Variants in DUT observed in about 807,000 individuals in gnomAD.
DUT encodes the protein deoxyuridine triphosphatase, also known as deoxyuridine 5'-triphosphate nucleotidohydrolase, mitochondrial.
In DUT, 21 loss-of-function variants were observed where a neutral mutation model predicts 28.8. The ratio of observed to expected loss-of-function variants is 0.73; its 90% confidence interval spans 0.52 to 1.05. The LOEUF (loss-of-function observed/expected upper bound fraction) is 1.05. Ranked by LOEUF, DUT falls within the 50% of genes least tolerant of loss-of-function variation. The pLI, the probability that DUT is intolerant of heterozygous loss-of-function variation, is 0.00. For synonymous variants in DUT, 147 were observed against 143.7 expected, an observed-to-expected ratio of 1.02 and a Z score of -0.17; for missense variants, 344 against 351.8, an observed-to-expected ratio of 0.98 and a Z score of 0.18.
At chr15:48,341,010 G>C (rs2042528532) in intron 4 of DUT, 1 of 280,658 alleles carries the variant, frequency 3.6e-6, no homozygotes, top group East Asian at 6.7e-5. Context: ...CAGTAGGTTG[G>C]AGATGGCCAT....
In DUT at chr15:48,331,494, A is replaced by G. The variant is rs1440119371; in HGVS notation, c.-22A>G. ...CACGTCCGGAGGTGCCGAGGACCCA[A>G]CCAGCCCAAACTCTGGGGGAAATGA... On this transcript the variant is annotated 5_prime_UTR_variant, in exon 1 of 7. Transcript: ENST00000331200. 1 of 1,610,964 alleles carries G rather than the reference A, an allele frequency of 6.2e-7. No homozygotes were observed. Among genetic ancestry groups the G allele is most frequent in the East Asian group, 2.2e-5 (1 of 44,752 alleles).
chr15:48,339,759 C>G (rs2042512739), intron 4 of DUT, among the ~76,000 whole-genome samples: 1 of 152,150 alleles, frequency 6.6e-6, no homozygotes, highest in African/African-American at 2.4e-5. Context: ...TATACTCACT[C>G]TTCTCGTAAA....
At chr15:48,339,630 A>C (rs1465371284) in intron 4 of DUT, among the ~76,000 whole-genome samples, 2 of 152,152 alleles carry the variant, frequency 1.3e-5, no homozygotes, top group African/African-American at 2.4e-5. Context: ...ATTAATGGTC[A>C]ACTGACGGTG....
In DUT at chr15:48,332,384, G is replaced by T. The variant is rs1464004081; in HGVS notation, c.397G>T (p.Ala133Ser). The T allele has an allele frequency of 1.3e-6, 2 of 1,581,978 alleles. No individual in the cohort carries two copies. Among genetic ancestry groups the T allele is most frequent in the Admixed American group, 1.8e-5 (1 of 54,202 alleles). The change falls in exon 2 of 7, where the codon GCC becomes TCC. Residue 133 changes from alanine (A) to serine (S), a missense_variant. Physicochemically the swap from Ala to Ser is moderately conservative, Grantham distance 99. Coordinates refer to ENST00000331200, the MANE Select transcript of DUT (RefSeq NM_001025248.2). ...GGCCCCCACCCGGGGCTCCGCGCGC[G>T]CCGCGGGCTACGACCTGTACAGGTG... ...ATAPTRGSAR[A>S]AGYDLYSAYD...
At chr15:48,332,653 C>T (rs1260003971) in intron 2 of DUT, 3 of 675,056 alleles carry the variant, frequency 4.4e-6, no homozygotes, top group East Asian at 5.7e-5. Flanking sequence ...TTATTGTGCC[C>T]TTCCTAAATA....
At chr15:48,341,982 T>C (rs2042540807) in intron 6 of DUT, 40 bp from the exon 7 acceptor site, 2 of 1,511,496 alleles carry the variant, frequency 1.3e-6, no homozygotes, top group Non-Finnish European at 1.8e-6. Flanking sequence ...AAGAGGCTCT[T>C]AAAAAAAACT....
intron 4 of DUT, among the ~76,000 whole-genome samples, chr15:48,339,860 A>T (rs2042513723): frequency 6.6e-6 from 1 of 152,152 alleles, no homozygotes; most frequent in African/African-American, 2.4e-5. Flanking sequence ...GTTCATTTAA[A>T]CGTATGTTGT....
intron 2 of DUT, chr15:48,332,619 T>G: frequency 1.4e-6 from 1 of 700,194 alleles, no homozygotes; most frequent in Non-Finnish European, 2.6e-6. Flanking sequence ...ATACGGTGTC[T>G]AGCAAGGCGT....
At chr15:48,332,244 G>T in intron 1 of DUT, 24 bp from the exon 2 acceptor site, 3 of 1,582,666 alleles carry the variant, frequency 1.9e-6, no homozygotes, top group Non-Finnish European at 2.6e-6. Flanking sequence ...TCGCCTTCTG[G>T]CTCTGCCATG....
In DUT at chr15:48,331,713, C is replaced by T; in HGVS notation, c.198C>T (p.Gly66=). The T allele has an allele frequency of 2.0e-6, 3 of 1,509,400 alleles. No individual in the cohort carries two copies. Among genetic ancestry groups the T allele is most frequent in the Non-Finnish European group, 2.7e-6 (3 of 1,130,952 alleles). 93.5% of individuals were successfully genotyped at this position (1,509,400 alleles called of 1,614,324 possible). A position where few individuals can be genotyped will look rare whatever the true frequency, so the allele number is the denominator to read the frequency against. The change falls in exon 1 of 7, where the codon GGC becomes GGT. Residue 66 remains glycine, a synonymous_variant. Coordinates refer to ENST00000331200, the MANE Select transcript of DUT (RefSeq NM_001025248.2). ...PLSSAGRLSQ[G]CRGASTVGAA... is the part of the protein sequence containing the mutation. Reference sequence around the variant, plus strand: ...CCAGCGCTGGCCGCCTGAGCCAAGGCTGCCGCGGAGCCAGTACAGTCGGGG... The same window carrying T: ...CCAGCGCTGGCCGCCTGAGCCAAGGTTGCCGCGGAGCCAGTACAGTCGGGG...
intron 2 of DUT, chr15:48,332,609 A>G (rs1363319216): frequency 1.4e-6 from 1 of 705,382 alleles, no homozygotes; most frequent in Non-Finnish European, 2.5e-6. Flanking sequence ...TAAAATAGCT[A>G]TACGGTGTCT....
chr15:48,336,297 AATT>A lies in DUT; in HGVS notation c.556+209_556+211del, dbSNP rs1429917880. On this transcript the variant is annotated intron_variant, in intron 4 of 6. Coordinates refer to ENST00000331200, the MANE Select transcript of DUT (RefSeq NM_001025248.2). The stretch of plus-strand genomic sequence containing the variant: ...TTAATTTTTAAAATAATGATTACCT[AATT>A]AATAATGACAGATTTAATGATATAA... Among the ~76,000 whole-genome samples, 6 of 152,264 alleles carry A rather than the reference AATT, an allele frequency of 3.9e-5. No individual in the cohort carries two copies. In the East Asian group the frequency reaches 9.6e-4, roughly 24 times the overall value.
Position 48,332,277 on chromosome 15 carries a change from C to T in DUT, c.290C>T (p.Ala97Val). ...ATGCCCTGCTCTGAAGAGACACCCG[C>T]CATTTCACCCAGTAAGCGGGCCCGG... is the stretch of plus-strand genomic sequence containing the variant. The part of the protein sequence containing the change: ...GSPAPGPETP[A>V]ISPSKRARPA... Residue 97 changes from alanine to valine, a missense_variant, in exon 2 of 7, where the codon GCC becomes GTC. Physicochemically the swap from Ala to Val is moderately conservative, Grantham distance 64 (BLOSUM62 0). Transcript: ENST00000331200. 1 of 1,608,912 alleles carries T rather than the reference C, an allele frequency of 6.2e-7. No individual in the cohort carries two copies. Among genetic ancestry groups the T allele is most frequent in the Non-Finnish European group, 8.5e-7 (1 of 1,178,410 alleles).
In DUT at chr15:48,331,498, GC is replaced by G. The variant is rs2042407921; in HGVS notation, c.-15del. 6.2e-7 allele frequency: 1 copy of G among 1,611,160 alleles called. No homozygotes were observed. The highest frequency in any genetic ancestry group is 1.3e-5 in the African/African-American group (1 of 74,764). ...TCCGGAGGTGCCGAGGACCCAACCA[GC>G]CCAAACTCTGGGGGAAATGACTCCC... On this transcript the variant is annotated 5_prime_UTR_variant, in exon 1 of 7. Coordinates refer to ENST00000331200, the MANE Select transcript of DUT (RefSeq NM_001025248.2).
upstream of DUT, chr15:48,331,152 C>CA (rs2042401064): frequency 2.2e-6 from 3 of 1,356,168 alleles, no homozygotes; most frequent in African/African-American, 3.0e-5. Context: ...CCGCTAAACT[C>CA]AGAGCCCGGG....
intron 3 of DUT, among the ~76,000 whole-genome samples, chr15:48,335,543 C>T (rs966302425): frequency 2.0e-5 from 3 of 152,142 alleles, no homozygotes; most frequent in African/African-American, 7.2e-5. Flanking sequence ...TGGTCTGCTA[C>T]TATTTGGTTA....
intron 4 of DUT, among the ~76,000 whole-genome samples, chr15:48,337,205 T>A (rs2042484783): frequency 6.6e-6 from 1 of 152,108 alleles, no homozygotes; most frequent in South Asian, 2.1e-4. Context: ...AGGGTGGACA[T>A]TGACAGCCCA....
chr15:48,336,791 G>A (rs2042481307), intron 4 of DUT, among the ~76,000 whole-genome samples: 1 of 152,100 alleles, frequency 6.6e-6, no homozygotes. Context: ...AAGTAGGTGT[G>A]CTAGATCTCC....
intron 4 of DUT, among the ~76,000 whole-genome samples, chr15:48,337,309 CT>C (rs1350150358): frequency 6.6e-6 from 1 of 152,180 alleles, no homozygotes; most frequent in African/African-American, 2.4e-5. Context: ...GGGACAGTAA[CT>C]TAAGGATATA....
Sources: allele counts gnomAD v4.1 joint callset (sites outside exome capture counted in the v4.1 genomes callset), GRCh38; gene constraint gnomAD v4.1.1; transcripts MANE v1.5; gene names NCBI Gene and HGNC (gene_info 2026-07-23, HGNC 2026-07-21).